Variants in UQCRFS1 observed in about 807,000 individuals in gnomAD.
UQCRFS1 encodes the protein cytochrome b-c1 complex subunit Rieske, mitochondrial.
A neutral mutation model predicts 15.6 loss-of-function variants in UQCRFS1; 6 were observed. The observed-to-expected ratio is 0.38, with a 90% CI of 0.21 to 0.76. The LOEUF is 0.76. UQCRFS1 is among the 30% of genes least tolerant of loss of function. The probability of loss-of-function intolerance (pLI) is 0.44; values close to 1 mark genes in which losing one functional copy is unlikely to be tolerated. For synonymous variants in UQCRFS1, 105 were observed against 154.3 expected, an observed-to-expected ratio of 0.68 and a Z score of 2.37; for missense variants, 203 against 366.7, an observed-to-expected ratio of 0.55 and a Z score of 3.65.
At chr19:29,212,331 G>A (rs1264956959) in intron 1 of UQCRFS1, among the ~76,000 whole-genome samples, 1 of 151,530 alleles carries the variant, frequency 6.6e-6, no homozygotes, top group Non-Finnish European at 1.5e-5. Context: ...CGTCCTTGAC[G>A]ACTGATTATG....
intron 1 of UQCRFS1, among the ~76,000 whole-genome samples, chr19:29,211,203 T>A (rs1207298007): frequency 6.6e-6 from 1 of 150,654 alleles, no homozygotes; most frequent in African/African-American, 2.5e-5. Context: ...AACAACCCCA[T>A]CAAAAAGTGG....
intron 1 of UQCRFS1, among the ~76,000 whole-genome samples, chr19:29,210,611 TTTG>T (rs1157538587): frequency 6.6e-6 from 1 of 151,132 alleles, no homozygotes; most frequent in Non-Finnish European, 1.5e-5. Context: ...ACATGCAGTG[TTTG>T]TTTTTTGTCC....
rs138859696 is a variant in UQCRFS1 at position 29,208,005 on chromosome 19, A to G, written c.368T>C (p.Val123Ala). ...FSYLVTGVTT[V>A]GVAYAAKNAV... ...ATTCTTGGCAGCATATGCGACACCCACAGTAGTTACTCCAGTTACCAAATA... is the reference window on the plus strand; with the variant it reads ...ATTCTTGGCAGCATATGCGACACCCGCAGTAGTTACTCCAGTTACCAAATA... Residue 123 changes from valine to alanine, a missense_variant, in exon 2 of 2, where the codon GTG (valine) becomes GCG (alanine). Val to Ala is a moderately conservative substitution (Grantham distance 64). Coordinates refer to ENST00000304863, the MANE Select transcript of UQCRFS1 (RefSeq NM_006003.3). The G allele has an allele frequency of 2.2e-5, 35 of 1,613,924 alleles. No individual in the cohort carries two copies. The highest frequency in any genetic ancestry group is 2.8e-5 in the Non-Finnish European group (33 of 1,179,868).
In UQCRFS1 at chr19:29,213,124, C is replaced by A. The variant is rs2145209542; in HGVS notation, c.-6G>T. ...CGGGATGCTACCGACAACATGGCGACAGCCGCTCCAACCGCCAAGCCGGTC... is the reference window on the plus strand; with the variant it reads ...CGGGATGCTACCGACAACATGGCGAAAGCCGCTCCAACCGCCAAGCCGGTC... On this transcript the variant is annotated 5_prime_UTR_variant, in exon 1 of 2. Transcript: ENST00000304863. 6.6e-7 allele frequency: 1 copy of A among 1,521,678 alleles called. No individual in the cohort carries two copies. The highest frequency in any genetic ancestry group is 2.0e-4 in the Middle Eastern group (1 of 5,090). The allele number at this position is 1,521,678 out of a possible 1,614,324, so 94.3% of individuals were successfully genotyped here.
In UQCRFS1 at chr19:29,213,146, G is replaced by T. The variant is rs751477940; in HGVS notation, c.-28C>A. 241 of 1,518,000 alleles carry T rather than the reference G, an allele frequency of 1.6e-4. No individual in the cohort carries two copies. Among genetic ancestry groups the T allele is most frequent in the Non-Finnish European group, 2.1e-4 (234 of 1,138,278 alleles). 94.0% of individuals were successfully genotyped at this position (1,518,000 alleles called of 1,614,324 possible). On this transcript the variant is annotated 5_prime_UTR_variant, in exon 1 of 2. Transcript: ENST00000304863. ...CGACAGCCGCTCCAACCGCCAAGCC[G>T]GTCACAGGGACGACCTTCCAACCAC...
intron 1 of UQCRFS1, among the ~76,000 whole-genome samples, chr19:29,212,554 C>A (rs1310682082): frequency 6.6e-6 from 1 of 152,152 alleles, no homozygotes; most frequent in African/African-American, 2.4e-5. Flanking sequence ...CACGACACCC[C>A]TACAAAATTG....
Position 29,207,370 on chromosome 19 carries a change from A to C in UQCRFS1, c.*178T>G. 1.2e-6 allele frequency: 1 copy of C among 820,178 alleles called. No individual in the cohort carries two copies. The highest frequency in any genetic ancestry group is 1.9e-6 in the Non-Finnish European group (1 of 536,916). 50.8% of individuals were successfully genotyped at this position (820,178 alleles called of 1,614,324 possible). On this transcript the variant is annotated 3_prime_UTR_variant, in exon 2 of 2. Coordinates refer to ENST00000304863, the MANE Select transcript of UQCRFS1 (RefSeq NM_006003.3). The stretch of plus-strand genomic sequence containing the variant: ...ACAGTGCTTAACAGTGTCTTTATTA[A>C]GTGAATGCCTGAAAGTATTCAACAT...
intron 1 of UQCRFS1, among the ~76,000 whole-genome samples, chr19:29,210,826 A>G (rs1372690978): frequency 3.3e-5 from 5 of 152,158 alleles, no homozygotes; most frequent in African/African-American, 9.7e-5. Flanking sequence ...ACATACATGT[A>G]AATGTGTCTT....
At position 29,208,843 on chromosome 19, in the gene UQCRFS1, A is replaced by T. The variant is rs1202450352; in HGVS notation, c.215-685T>A. On this transcript the variant is annotated intron_variant, in intron 1 of 1. Transcript: ENST00000304863. The stretch of plus-strand genomic sequence containing the variant: ...AGGCAGAGAAGGACATCCTTATCAG[A>T]GCTCTCAAAATAAAATGAAAACTGC... Among the ~76,000 whole-genome samples, 4 of 152,222 alleles carry T rather than the reference A, an allele frequency of 2.6e-5. No individual in the cohort carries two copies. In the East Asian group the frequency reaches 5.8e-4, roughly 22 times the overall value.
At position 29,207,381 on chromosome 19, in the gene UQCRFS1, G is replaced by A; in HGVS notation, c.*167C>T. 2.2e-6 allele frequency: 2 copies of A among 903,478 alleles called. No homozygotes were observed. The highest frequency in any genetic ancestry group is 3.3e-6 in the Non-Finnish European group (2 of 610,238). The allele number at this position is 903,478 out of a possible 1,614,324, so 56.0% of individuals were successfully genotyped here. A position where few individuals can be genotyped will look rare whatever the true frequency, so the allele number is the denominator to read the frequency against. ...CAGTGTCTTTATTAAGTGAATGCCTGAAAGTATTCAACATTAAATTCAATT... is the reference window on the plus strand; with the variant it reads ...CAGTGTCTTTATTAAGTGAATGCCTAAAAGTATTCAACATTAAATTCAATT... On this transcript the variant is annotated 3_prime_UTR_variant, in exon 2 of 2. Transcript: ENST00000304863.
At chr19:29,211,352 T>A (rs35923562) in intron 1 of UQCRFS1, among the ~76,000 whole-genome samples, 1 of 152,200 alleles carries the variant, frequency 6.6e-6, no homozygotes, top group African/African-American at 2.4e-5. Flanking sequence ...ACACGACGAA[T>A]TCCAAAGATG....
At chr19:29,211,087 C>T (rs1045078680) in intron 1 of UQCRFS1, among the ~76,000 whole-genome samples, 6 of 152,080 alleles carry the variant, frequency 3.9e-5, no homozygotes, top group African/African-American at 1.4e-4. Context: ...TTGTGGTTTA[C>T]AGGCAACCTA....
At chr19:29,209,218 C>T (rs1264444309) in intron 1 of UQCRFS1, among the ~76,000 whole-genome samples, 1 of 152,126 alleles carries the variant, frequency 6.6e-6, no homozygotes, top group Non-Finnish European at 1.5e-5. Context: ...GGAAGCAAAC[C>T]TCTTTGCAAA....
chr19:29,205,668 AG>A lies in UQCRFS1; in HGVS notation c.*1879del, dbSNP rs1976586276. On this transcript the variant is annotated 3_prime_UTR_variant, in exon 2 of 2. Coordinates refer to ENST00000304863, the MANE Select transcript of UQCRFS1 (RefSeq NM_006003.3). ...TCTGATGTCAGGGTGCTAGCTGGTC[AG>A]GTTTATTCTGTAAGTAATTTTCTCC... is the stretch of plus-strand genomic sequence containing the variant. 1 of 152,232 alleles carries A rather than the reference AG, an allele frequency of 6.6e-6. No individual in the cohort carries two copies. The highest frequency in any genetic ancestry group is 1.5e-5 in the Non-Finnish European group (1 of 68,038). The allele number at this position is 152,232 out of a possible 1,614,324, so 9.4% of individuals were successfully genotyped here. A position where few individuals can be genotyped will look rare whatever the true frequency, so the allele number is the denominator to read the frequency against.
rs1326274299 is a variant in UQCRFS1 at position 29,205,639 on chromosome 19, ATGATC to A, written c.*1904_*1908del. The A allele has an allele frequency of 6.6e-6, 1 of 152,220 alleles. No homozygotes were observed. The highest frequency in any genetic ancestry group is 2.4e-5 in the African/African-American group (1 of 41,456). The allele number at this position is 152,220 out of a possible 1,614,324, so 9.4% of individuals were successfully genotyped here. On this transcript the variant is annotated 3_prime_UTR_variant, in exon 2 of 2. Coordinates refer to ENST00000304863, the MANE Select transcript of UQCRFS1 (RefSeq NM_006003.3). ...ATCCCCAATAAAATGCAGTAGGTTA[ATGATC>A]TGATGTCAGGGTGCTAGCTGGTCAG...
At chr19:29,209,508 T>C (rs1976623523) in intron 1 of UQCRFS1, among the ~76,000 whole-genome samples, 1 of 152,138 alleles carries the variant, frequency 6.6e-6, no homozygotes, top group South Asian at 2.1e-4. Context: ...CAAACAATAA[T>C]GAAACCTACC....
chr19:29,211,377 T>C (rs116608014), intron 1 of UQCRFS1, among the ~76,000 whole-genome samples: 6,283 of 152,290 alleles, frequency 0.041, 459 homozygotes, highest in African/African-American at 0.14. Flanking sequence ...TCTTTTGCTA[T>C]TGAAATGTTC....
chr19:29,205,957 T>TC lies in UQCRFS1; in HGVS notation c.*1590dup, dbSNP rs1490344321. 1 of 152,214 alleles carries TC rather than the reference T, an allele frequency of 6.6e-6. No individual in the cohort carries two copies. The highest frequency in any genetic ancestry group is 1.9e-4 in the East Asian group (1 of 5,202). 9.4% of individuals were successfully genotyped at this position (152,214 alleles called of 1,614,324 possible). A position where few individuals can be genotyped will look rare whatever the true frequency, so the allele number is the denominator to read the frequency against. The stretch of plus-strand genomic sequence containing the variant: ...GAGACCTGCAAACTTCCTACTTCTG[T>TC]CCTCCACTGCCATGTAGAATTTCAA... On this transcript the variant is annotated 3_prime_UTR_variant, in exon 2 of 2. Coordinates refer to ENST00000304863, the MANE Select transcript of UQCRFS1 (RefSeq NM_006003.3).
rs532821801 is a variant in UQCRFS1, at chr19:29,207,800, T to C, written c.573A>G (p.Glu191=). The C allele has an allele frequency of 5.5e-5, 89 of 1,614,020 alleles. 1 individual carries two copies. In the South Asian group the frequency reaches 8.8e-4, roughly 16 times the overall value. ...GCTGTGGGTCCCTCAACTGTGATAATTCAACTGCAGCTTCCTGCTCAATTT... is the reference window on the plus strand; with the variant it reads ...GCTGTGGGTCCCTCAACTGTGATAACTCAACTGCAGCTTCCTGCTCAATTT... ...QKEIEQEAAV[E]LSQLRDPQHD... Residue 191 remains glutamate, a synonymous_variant, in exon 2 of 2, where the codon GAA becomes GAG. Transcript: ENST00000304863.
Sources: allele counts gnomAD v4.1 joint callset (sites outside exome capture counted in the v4.1 genomes callset), GRCh38; gene constraint gnomAD v4.1.1; transcripts MANE v1.5; gene names NCBI Gene and HGNC (gene_info 2026-07-23, HGNC 2026-07-21).